Variants in DPYD observed in about 807,000 individuals in gnomAD.
The protein encoded by DPYD is dihydropyrimidine dehydrogenase [NADP(+)].
In DPYD, 109 loss-of-function variants were observed where a neutral mutation model predicts 116.2. The ratio of observed to expected loss-of-function variants is 0.94; its 90% CI spans 0.80 to 1.10. The LOEUF is 1.10. DPYD is among the 50% of genes least tolerant of loss of function. The pLI is 0.00. For missense variants in DPYD, 1,302 were observed against 1,254.5 expected (o/e 1.04, Z -0.57); for synonymous variants, 440 against 432.0 (o/e 1.02, Z -0.23).
intron 7 of DPYD, among the ~76,000 whole-genome samples, chr1:97,687,747 G>T (rs1297045933): frequency 6.6e-6 from 1 of 152,068 alleles, no homozygotes; most frequent in Non-Finnish European, 1.5e-5. Context: ...CAATAATATA[G>T]TGGATAAAGA....
intron 3 of DPYD, among the ~76,000 whole-genome samples, chr1:97,771,696 T>C (rs1666151951): frequency 2.6e-5 from 4 of 152,184 alleles, no homozygotes; most frequent in Admixed American, 6.5e-5. Flanking sequence ...TATTTGGGGA[T>C]TAAGAATGTT....
chr1:97,611,639 A>C lies in DPYD; in HGVS notation c.851-16473T>G, dbSNP rs546914190. On this transcript the variant is annotated intron_variant, in intron 8 of 22. Coordinates refer to ENST00000370192, the MANE Select transcript of DPYD (RefSeq NM_000110.4). ...TCATCACAGCAGTTTTCAAACATTC[A>C]CAATGCATCACGTACTGTGCTAGAC... is the stretch of plus-strand genomic sequence containing the variant. Among the ~76,000 whole-genome samples the C allele has an allele frequency of 7.9e-4, 120 of 152,142 alleles. 1 individual carries two copies. The highest frequency in any genetic ancestry group is 2.7e-3 in the African/African-American group (111 of 41,536).
intron 18 of DPYD, among the ~76,000 whole-genome samples, chr1:97,269,260 A>G (rs1208421594): frequency 6.6e-6 from 1 of 152,110 alleles, no homozygotes. Context: ...CATTTCTACA[A>G]CATTCTGATT....
chr1:97,804,437 C>T (rs1223550329), intron 3 of DPYD, among the ~76,000 whole-genome samples: 1 of 151,578 alleles, frequency 6.6e-6, no homozygotes, highest in Non-Finnish European at 1.5e-5. Flanking sequence ...TGTGAAGTCT[C>T]AAGATGTTAA....
chr1:97,721,795 A>G (rs1256066645), intron 4 of DPYD, 124 bp from the exon 5 acceptor site: 2 of 861,406 alleles, frequency 2.3e-6, no homozygotes, highest in African/African-American at 1.7e-5. Flanking sequence ...TATAAGATGC[A>G]TAGGTTTCAA....
At chr1:97,084,448 T>G (rs904296000) in intron 21 of DPYD, among the ~76,000 whole-genome samples, 12 of 151,848 alleles carry the variant, frequency 7.9e-5, no homozygotes, top group Admixed American at 1.3e-4. Context: ...CTTTCTCACC[T>G]TTTCCCCTTT....
At chr1:97,679,067 T>C (rs1363234707) in intron 8 of DPYD, 28 bp downstream of exon 8, 1 of 1,074,642 alleles carries the variant, frequency 9.3e-7, no homozygotes, top group Non-Finnish European at 1.3e-6. Flanking sequence ...ACATTATAAA[T>C]AAATATATTT....
At chr1:97,831,156 G>T (rs1557994704) in intron 2 of DPYD, among the ~76,000 whole-genome samples, 1 of 152,152 alleles carries the variant, frequency 6.6e-6, no homozygotes, top group Non-Finnish European at 1.5e-5. Context: ...TATGCTTCAA[G>T]AACCATATGT....
At chr1:97,228,703 T>C (rs1317124011) in intron 19 of DPYD, among the ~76,000 whole-genome samples, 1 of 152,206 alleles carries the variant, frequency 6.6e-6, no homozygotes, top group African/African-American at 2.4e-5. Flanking sequence ...CTATAAAGAA[T>C]TCATTTTGTT....
intron 13 of DPYD, among the ~76,000 whole-genome samples, chr1:97,472,995 T>C (rs1033151624): frequency 6.6e-5 from 10 of 152,198 alleles, no homozygotes; most frequent in Non-Finnish European, 1.3e-4. Context: ...ATTTATGATC[T>C]ACTCCTTTTA....
At chr1:97,572,558 T>C (rs1042144549) in intron 11 of DPYD, among the ~76,000 whole-genome samples, 2 of 152,000 alleles carry the variant, frequency 1.3e-5, no homozygotes, top group Admixed American at 6.6e-5. Context: ...GTGATGTACA[T>C]AGTATTTAAT....
intron 12 of DPYD, among the ~76,000 whole-genome samples, chr1:97,532,644 A>G (rs1649712404): frequency 6.6e-6 from 1 of 152,042 alleles, no homozygotes; most frequent in Non-Finnish European, 1.5e-5. Context: ...CACTTCTTCT[A>G]GGTTGTCAAA....
intron 11 of DPYD, among the ~76,000 whole-genome samples, chr1:97,565,373 ACCT>A (rs1403982613): frequency 6.6e-6 from 1 of 152,030 alleles, no homozygotes; most frequent in African/African-American, 2.4e-5. Flanking sequence ...CCTTATTTAA[ACCT>A]CCTCATTTGT....
intron 2 of DPYD, among the ~76,000 whole-genome samples, chr1:97,876,147 G>A (rs72979773): frequency 0.02 from 3,029 of 151,942 alleles, 93 homozygotes; most frequent in African/African-American, 0.065. Flanking sequence ...TCAATAATGC[G>A]TCATGACTGG....
intron 14 of DPYD, among the ~76,000 whole-genome samples, chr1:97,423,153 C>T (rs1674675557): frequency 6.6e-6 from 1 of 152,034 alleles, no homozygotes; most frequent in Non-Finnish European, 1.5e-5. Flanking sequence ...TTGGTCCTAG[C>T]AAGAGAAATC....
At chr1:97,412,493 A>C (rs998542596) in intron 14 of DPYD, among the ~76,000 whole-genome samples, 1 of 152,196 alleles carries the variant, frequency 6.6e-6, no homozygotes, top group Non-Finnish European at 1.5e-5. Flanking sequence ...AAATGAAGTA[A>C]CTTTATGGGG....
chr1:97,423,381 G>T (rs1294170106), intron 14 of DPYD, among the ~76,000 whole-genome samples: 1 of 152,038 alleles, frequency 6.6e-6, no homozygotes, highest in African/African-American at 2.4e-5. Context: ...GCTAAGTGGG[G>T]TAGGTGGAAG....
rs2100735990 is a variant in DPYD, at chr1:97,231,521, A to G, written c.2442+3331T>C. ...AGCATGTGCAGGGGAACTCCCCTTT[A>G]TAAAACCACCAGATCTAGTGAGACT... On this transcript the variant is annotated intron_variant, in intron 19 of 22. Coordinates refer to ENST00000370192, the MANE Select transcript of DPYD (RefSeq NM_000110.4). Among the ~76,000 whole-genome samples, 6 of 152,270 alleles carry G rather than the reference A, an allele frequency of 3.9e-5. No individual in the cohort carries two copies. The South Asian group carries it at 1.2e-3, about 32-fold the overall frequency.
chr1:97,172,805 T>G (rs1385092992), intron 20 of DPYD, among the ~76,000 whole-genome samples: 1 of 152,156 alleles, frequency 6.6e-6, no homozygotes, highest in Non-Finnish European at 1.5e-5. Context: ...TAAATAAAAA[T>G]GTAGCAATTT....
Sources: allele counts gnomAD v4.1 joint callset (sites outside exome capture counted in the v4.1 genomes callset), GRCh38; gene constraint gnomAD v4.1.1; transcripts MANE v1.5; gene names NCBI Gene and HGNC (gene_info 2026-07-23, HGNC 2026-07-21).